Variants in SLC12A3 observed in about 807,000 individuals in gnomAD.
SLC12A3 encodes solute carrier family 12 member 3.
A neutral mutation model predicts 121.0 loss-of-function variants in SLC12A3; 104 were observed. The ratio of observed to expected loss-of-function variants is 0.86; its 90% confidence interval spans 0.73 to 1.01. SLC12A3 has a LOEUF of 1.01. Ranked by LOEUF, SLC12A3 falls within the 50% of genes least tolerant of loss-of-function variation. SLC12A3 has a pLI of 0.00. For synonymous variants in SLC12A3, 536 were observed against 533.4 expected (o/e 1.00, Z -0.07); for missense variants, 1,328 against 1,356.3 (o/e 0.98, Z 0.33).
In SLC12A3 at chr16:56,897,002, G is replaced by A. The variant is rs547953546; in HGVS notation, c.2633+2360G>A. Among the ~76,000 whole-genome samples the A allele has an allele frequency of 4.6e-5, 7 of 152,064 alleles. No homozygotes were observed. The East Asian group carries it at 1.2e-3, about 25-fold the overall frequency. On this transcript the variant is annotated intron_variant, in intron 22 of 25. Transcript: ENST00000563236. ...AACTACTCAGGAGGCTGAGACAGGA[G>A]GATTATTTACACCTGGGAGGCGAAG... is the stretch of plus-strand genomic sequence containing the variant.
At chr16:56,912,875 T>C (rs538241187) in intron 25 of SLC12A3, among the ~76,000 whole-genome samples, 2 of 151,844 alleles carry the variant, frequency 1.3e-5, no homozygotes, top group Admixed American at 1.3e-4. Context: ...GGTGCAGAGC[T>C]GGGGCTGCTC....
intron 23 of SLC12A3, among the ~76,000 whole-genome samples, chr16:56,900,997 C>A (rs369813125): frequency 2.0e-5 from 3 of 152,186 alleles, no homozygotes; most frequent in African/African-American, 7.2e-5. Flanking sequence ...CCCCCGCTGT[C>A]TGAGACCACT....
In SLC12A3 at chr16:56,908,161, C is replaced by CTTTTTTTTTTTTTTTTTT. The variant is rs55644914; in HGVS notation, c.2924+3701_2924+3718dup. Among the ~76,000 whole-genome samples the CTTTTTTTTTTTTTTTTTT allele has an allele frequency of 1.2e-4, 12 of 96,992 alleles. 1 individual carries two copies. Among genetic ancestry groups the CTTTTTTTTTTTTTTTTTT allele is most frequent in the African/African-American group, 2.3e-4 (5 of 21,848 alleles). 63.6% of individuals were successfully genotyped at this position (96,992 alleles called of 152,430 possible). A position where few individuals can be genotyped will look rare whatever the true frequency, so the allele number is the denominator to read the frequency against. ...ATTCATTTCTCAGATAGTGATATAACTTTTTTTTTTTTTTTTTTTGAGGCA... is the reference window on the plus strand; with the variant it reads ...ATTCATTTCTCAGATAGTGATATAACTTTTTTTTTTTTTTTTTTTTTTTTTTTTTTTTTTTTTGAGGCA... On this transcript the variant is annotated intron_variant, in intron 25 of 25. Transcript: ENST00000563236.
chr16:56,897,159 G>A (rs1258112649), intron 22 of SLC12A3, among the ~76,000 whole-genome samples: 1 of 152,162 alleles, frequency 6.6e-6, no homozygotes, highest in Non-Finnish European at 1.5e-5. Flanking sequence ...AAATAGTAAG[G>A]CAGGTGGCAC....
At chr16:56,866,598 G>A (rs1964361632) in intron 1 of SLC12A3, among the ~76,000 whole-genome samples, 2 of 152,128 alleles carry the variant, frequency 1.3e-5, no homozygotes, top group Non-Finnish European at 2.9e-5. Flanking sequence ...CACTTCTAAG[G>A]CCACTGCTCT....
At position 56,881,447 on chromosome 16, in the gene SLC12A3, G is replaced by C. The variant is rs28437122; in HGVS notation, c.1568-949G>C. Reference sequence around the variant, plus strand: ...GCAGATTCGATGTCCTTTCATCTGGGGGGGGGTCTGACTTGACTTCAGACT... The same window carrying C: ...GCAGATTCGATGTCCTTTCATCTGGCGGGGGGTCTGACTTGACTTCAGACT... On this transcript the variant is annotated intron_variant, in intron 12 of 25. Coordinates refer to ENST00000563236, the MANE Select transcript of SLC12A3 (RefSeq NM_001126108.2). Among the ~76,000 whole-genome samples, 673 of 152,226 alleles carry C rather than the reference G, an allele frequency of 4.4e-3. 8 individuals carry two copies. The highest frequency in any genetic ancestry group is 0.016 in the African/African-American group (648 of 41,544).
chr16:56,909,243 G>A (rs553281156), intron 25 of SLC12A3, among the ~76,000 whole-genome samples: 2 of 150,942 alleles, frequency 1.3e-5, no homozygotes, highest in African/African-American at 2.4e-5. Context: ...AGGATTGATC[G>A]AGCCCAGGAG....
chr16:56,872,909 C>G (rs2055118163), intron 8 of SLC12A3, 123 bp downstream of exon 8: 1 of 1,262,516 alleles, frequency 7.9e-7, no homozygotes, highest in East Asian at 2.4e-5. Flanking sequence ...AAATCCAGTC[C>G]AGTCCAACTC....
intron 24 of SLC12A3, among the ~76,000 whole-genome samples, chr16:56,902,979 C>T (rs1365936530): frequency 6.6e-6 from 1 of 152,002 alleles, no homozygotes; most frequent in Admixed American, 6.6e-5. Flanking sequence ...GACCCCATCT[C>T]TACTAAAAAT....
intron 25 of SLC12A3, chr16:56,904,835 T>TA: frequency 2.9e-6 from 1 of 348,120 alleles, no homozygotes; most frequent in South Asian, 2.3e-5. Flanking sequence ...CCTCCTTGGC[T>TA]ATCGGCCATT....
At chr16:56,898,071 G>A (rs537140113) in intron 22 of SLC12A3, among the ~76,000 whole-genome samples, 3 of 152,052 alleles carry the variant, frequency 2.0e-5, no homozygotes, top group African/African-American at 4.8e-5. Context: ...CCTGCACCCC[G>A]ATGCCTTCCC....
chr16:56,909,287 T>A (rs1369269715), intron 25 of SLC12A3, among the ~76,000 whole-genome samples: 1 of 148,296 alleles, frequency 6.7e-6, no homozygotes, highest in African/African-American at 2.5e-5. Context: ...AGTGAGACCC[T>A]GTCACTACCA....
rs1451686496 is a variant in SLC12A3, at chr16:56,877,122, G to T, written c.1096-955G>T. Among the ~76,000 whole-genome samples, 15 of 152,300 alleles carry T rather than the reference G, an allele frequency of 9.8e-5. No homozygotes were observed. In the East Asian group the frequency reaches 2.9e-3, roughly 29 times the overall value. On this transcript the variant is annotated intron_variant, in intron 8 of 25. Transcript: ENST00000563236. Reference sequence around the variant, plus strand: ...AGAAAATACGAGCGGCCGGGCGCGGGGGCTCACGCCTGTAATCCCAGCACT... The same window carrying T: ...AGAAAATACGAGCGGCCGGGCGCGGTGGCTCACGCCTGTAATCCCAGCACT...
intron 25 of SLC12A3, among the ~76,000 whole-genome samples, chr16:56,908,211 A>C (rs1196969583): frequency 1.6e-5 from 2 of 127,476 alleles, no homozygotes; most frequent in African/African-American, 6.4e-5. Flanking sequence ...CCCAGGCTGG[A>C]GTGCAGTGGT....
chr16:56,892,826 C>T (rs199969404), intron 20 of SLC12A3, 127 bp from the exon 21 acceptor site: 11 of 727,652 alleles, frequency 1.5e-5, no homozygotes, highest in Non-Finnish European at 2.2e-5. Context: ...TCCTGGGCCC[C>T]GGTTCCTGTT....
In SLC12A3 at chr16:56,913,677, T is replaced by C; in HGVS notation, c.*272T>C. ...AAAGCATCCTATTCCTTTTAAAGGA[T>C]TTCTTTTGATTTTGATGACCATTAA... On this transcript the variant is annotated 3_prime_UTR_variant, in exon 26 of 26. Transcript: ENST00000563236. 2.1e-6 allele frequency: 1 copy of C among 482,488 alleles called. No homozygotes were observed. The highest frequency in any genetic ancestry group is 4.0e-5 in the East Asian group (1 of 24,868). 29.9% of individuals were successfully genotyped at this position (482,488 alleles called of 1,614,324 possible).
intron 25 of SLC12A3, among the ~76,000 whole-genome samples, chr16:56,910,387 G>A (rs1050040115): frequency 2.0e-5 from 3 of 152,116 alleles, no homozygotes; most frequent in Non-Finnish European, 2.9e-5. Flanking sequence ...CCAGGCTAGA[G>A]AGCAGTAGTG....
At chr16:56,911,855 G>A (rs1181071360) in intron 25 of SLC12A3, among the ~76,000 whole-genome samples, 7 of 152,270 alleles carry the variant, frequency 4.6e-5, no homozygotes, top group Non-Finnish European at 8.8e-5. Context: ...GGTGATGACA[G>A]CTGCTGACCT....
intron 13 of SLC12A3, 24 bp downstream of exon 13, chr16:56,882,521 C>A (rs1186585368): frequency 1.3e-6 from 2 of 1,572,254 alleles, no homozygotes; most frequent in African/African-American, 2.7e-5. Context: ...TCACCCACCT[C>A]AGGAGGAGGC....
Sources: gnomAD v4.1 joint callset for allele counts (sites outside exome capture counted in the v4.1 genomes callset) on GRCh38, gnomAD v4.1.1 for gene constraint, MANE v1.5 for transcripts, NCBI Gene and HGNC (gene_info 2026-07-23, HGNC 2026-07-21) for gene names.